RELN: variants seen among roughly 807,000 people sequenced by gnomAD.
The protein encoded by RELN is reelin.
In RELN, 108 loss-of-function variants were observed where a neutral mutation model predicts 427.6. That is an observed-to-expected ratio of 0.25 (90% CI 0.22 to 0.30). The LOEUF is 0.30. RELN is among the 10% of genes least tolerant of loss of function. The probability of loss-of-function intolerance (pLI) is 1.00; values close to 1 mark genes in which losing one functional copy is unlikely to be tolerated. For synonymous variants in RELN, 1,524 were observed against 1,513.4 expected (o/e 1.01, Z -0.16); for missense variants, 3,715 against 4,302.8 (o/e 0.86, Z 3.82).
intron 1 of RELN, among the ~76,000 whole-genome samples, chr7:103,939,789 C>T (rs1796070750): frequency 6.6e-6 from 1 of 152,168 alleles, no homozygotes; most frequent in Admixed American, 6.5e-5. Flanking sequence ...ACCTGAGGAT[C>T]TATCATGTAG....
rs1445688100 is a variant in RELN at position 103,697,945 on chromosome 7, T to C, written c.1051A>G (p.Ile351Val). The change falls in exon 10 of 65, where the codon ATC (isoleucine) becomes GTC (valine). Residue 351 changes from isoleucine (I) to valine (V), a missense_variant. Ile to Val is a conservative substitution (Grantham distance 29). Transcript: ENST00000428762. ...ACWALDNILI[I>V]NSAHRQVVLE... Reference sequence around the variant, plus strand: ...ACGACTTGTCTGTGAGCTGAATTGATGATCAAGATGTTATCTAAGGCCCAG... The same window carrying C: ...ACGACTTGTCTGTGAGCTGAATTGACGATCAAGATGTTATCTAAGGCCCAG... 6 of 1,613,806 alleles carry C rather than the reference T, an allele frequency of 3.7e-6. No homozygotes were observed. The East Asian group carries it at 1.3e-4, about 36-fold the overall frequency.
At chr7:103,984,185 A>G (rs991645850) in intron 1 of RELN, among the ~76,000 whole-genome samples, 2 of 151,996 alleles carry the variant, frequency 1.3e-5, no homozygotes, top group East Asian at 1.9e-4. Flanking sequence ...ACAGATTTTT[A>G]GATATTTTCT....
At chr7:103,738,806 C>T (rs755106354) in intron 6 of RELN, among the ~76,000 whole-genome samples, 3 of 151,302 alleles carry the variant, frequency 2.0e-5, no homozygotes, top group Non-Finnish European at 4.4e-5. Context: ...CCTCAGCCTC[C>T]CGAGTAGCTG....
intron 1 of RELN, among the ~76,000 whole-genome samples, chr7:103,959,484 G>C (rs1434004405): frequency 6.6e-6 from 1 of 152,150 alleles, no homozygotes; most frequent in African/African-American, 2.4e-5. Flanking sequence ...TCAAAACTGA[G>C]CTCCTATCTC....
intron 3 of RELN, among the ~76,000 whole-genome samples, chr7:103,777,910 C>CAA (rs1791786361): frequency 6.6e-6 from 1 of 151,960 alleles, no homozygotes; most frequent in Non-Finnish European, 1.5e-5. Context: ...CACACACACA[C>CAA]ACACAATGGC....
intron 4 of RELN, 72 bp from the exon 5 acceptor site, chr7:103,753,286 A>G: frequency 6.7e-7 from 1 of 1,502,720 alleles, no homozygotes; most frequent in Non-Finnish European, 9.3e-7. Context: ...AAAGAGTCAC[A>G]ACACAGTTAT....
At chr7:103,888,867 C>T (rs969247795) in intron 2 of RELN, among the ~76,000 whole-genome samples, 4 of 152,188 alleles carry the variant, frequency 2.6e-5, no homozygotes, top group Non-Finnish European at 4.4e-5. Context: ...AGATCCCAAC[C>T]ACTTGCACTA....
intron 3 of RELN, among the ~76,000 whole-genome samples, chr7:103,804,247 T>A (rs536276407): frequency 6.6e-6 from 1 of 152,270 alleles, no homozygotes; most frequent in Admixed American, 6.5e-5. Flanking sequence ...CATATAAGAA[T>A]TATTCTAAAT....
intron 1 of RELN, among the ~76,000 whole-genome samples, chr7:103,937,928 CA>C (rs1796022580): frequency 6.6e-6 from 1 of 152,180 alleles, no homozygotes; most frequent in Non-Finnish European, 1.5e-5. Flanking sequence ...CAATGAGACA[CA>C]GATCTTTCAC....
At chr7:103,813,110 T>A (rs980119651) in intron 3 of RELN, among the ~76,000 whole-genome samples, 5 of 152,186 alleles carry the variant, frequency 3.3e-5, no homozygotes, top group African/African-American at 1.2e-4. Context: ...ATGATGAGGA[T>A]GTTAATGTAG....
rs565522478 is a variant in RELN at position 103,630,245 on chromosome 7, A to G, written c.2466-69T>C. 3.8e-6 allele frequency: 4 copies of G among 1,049,450 alleles called. No individual in the cohort carries two copies. In the Admixed American group the frequency reaches 5.2e-5, roughly 14 times the overall value. The allele number at this position is 1,049,450 out of a possible 1,614,324, so 65.0% of individuals were successfully genotyped here. ...TTAAAACACAAATATTTATAGTGGG[A>G]TAGATTTCCCCTGAAGTATAGTATT... On this transcript the variant is annotated intron_variant, in intron 19 of 64. Transcript: ENST00000428762.
chr7:103,789,866 A>C (rs1792114041), intron 3 of RELN, among the ~76,000 whole-genome samples: 1 of 152,268 alleles, frequency 6.6e-6, no homozygotes, highest in Non-Finnish European at 1.5e-5. Context: ...TCATTCTACT[A>C]TAAAGACACA....
chr7:103,666,127 AATTC>A (rs998695098), intron 11 of RELN, among the ~76,000 whole-genome samples: 3 of 151,836 alleles, frequency 2.0e-5, no homozygotes, highest in Non-Finnish European at 4.4e-5. Flanking sequence ...GCAGTGGTGC[AATTC>A]ATGGCTCATG....
Position 103,989,369 on chromosome 7 carries a change from G to GCCA in RELN, c.-14_-13insTGG. The stretch of plus-strand genomic sequence containing the variant: ...CACTGCGCTCCATGCCGCCGCCGCC[G>GCCA]CCGCCGCCGCCGCGCGCCCTACGCG... On this transcript the variant is annotated 5_prime_UTR_variant, in exon 1 of 65. Transcript: ENST00000428762. This position sits in a 1 kb window ranked among gnomAD's most constrained non-coding sequence, Gnocchi z 4.9. 1 of 1,425,732 alleles carries GCCA rather than the reference G, an allele frequency of 7.0e-7. No homozygotes were observed. 88.3% of individuals were successfully genotyped at this position (1,425,732 alleles called of 1,614,324 possible).
intron 3 of RELN, among the ~76,000 whole-genome samples, chr7:103,827,709 A>C (rs749697612): frequency 2.0e-5 from 3 of 152,024 alleles, no homozygotes; most frequent in Non-Finnish European, 4.4e-5. Flanking sequence ...AAGGATAGAC[A>C]ATATTTCTTT....
chr7:103,665,286 T>G (rs1015214119), intron 11 of RELN, among the ~76,000 whole-genome samples: 1 of 151,912 alleles, frequency 6.6e-6, no homozygotes, highest in African/African-American at 2.4e-5. Flanking sequence ...TTTCCTCCAT[T>G]AGTCTATATG....
chr7:103,746,776 G>C lies in RELN; in HGVS notation c.656+2650C>G, dbSNP rs1177673511. On this transcript the variant is annotated intron_variant, in intron 6 of 64. Coordinates refer to ENST00000428762, the MANE Select transcript of RELN (RefSeq NM_005045.4). ...AAGTCAGGAAACAACAGGTGCTGGA[G>C]AGGATGTGGAGAAATAGGAACACTT... is the stretch of plus-strand genomic sequence containing the variant. Among the ~76,000 whole-genome samples the C allele has an allele frequency of 2.6e-5, 4 of 151,000 alleles. 1 individual carries two copies. In the South Asian group the frequency reaches 8.3e-4, roughly 31 times the overall value.
At chr7:103,965,092 A>C (rs958173266) in intron 1 of RELN, among the ~76,000 whole-genome samples, 4 of 152,252 alleles carry the variant, frequency 2.6e-5, no homozygotes, top group African/African-American at 9.6e-5. Context: ...TATTAAAGGC[A>C]TATTTTCACA....
chr7:103,589,951 A>G, intron 27 of RELN, 123 bp from the exon 28 acceptor site: 2 of 712,612 alleles, frequency 2.8e-6, no homozygotes, highest in South Asian at 1.5e-5. Context: ...AATGATAGGA[A>G]TTGTGAGCTC....
Sources: allele counts gnomAD v4.1 joint callset (sites outside exome capture counted in the v4.1 genomes callset), GRCh38; gene constraint gnomAD v4.1.1; non-coding constraint Gnocchi (gnomAD v3.1); transcripts MANE v1.5; gene names NCBI Gene and HGNC (gene_info 2026-07-23, HGNC 2026-07-21).